Variants in SEL1L2 observed in about 807,000 individuals in gnomAD.
SEL1L2 encodes the protein protein sel-1 homolog 2.
Under a neutral mutation model 98.8 loss-of-function variants are expected in SEL1L2, and 89 were observed. The observed-to-expected ratio is 0.90, with a 90% confidence interval of 0.76 to 1.07. The LOEUF is 1.07. SEL1L2 is among the 50% of genes least tolerant of loss of function. SEL1L2 has a pLI of 0.00. For missense variants in SEL1L2, 788 were observed against 812.0 expected (o/e 0.97, Z 0.36); for synonymous variants, 262 against 278.5 (o/e 0.94, Z 0.59).
intron 3 of SEL1L2, among the ~76,000 whole-genome samples, chr20:13,929,295 A>G (rs564775722): frequency 2.0e-5 from 3 of 151,586 alleles, no homozygotes; most frequent in African/African-American, 7.3e-5. Flanking sequence ...AACCCTGACC[A>G]CTACACTGAC....
intron 8 of SEL1L2, among the ~76,000 whole-genome samples, chr20:13,886,887 C>CA (rs11475673): frequency 0.014 from 1,780 of 130,060 alleles, 17 homozygotes; most frequent in African/African-American, 0.04. Flanking sequence ...TACTCTGTCT[C>CA]AAAAAAAAAA....
chr20:13,876,840 T>C (rs1481304477), intron 11 of SEL1L2, among the ~76,000 whole-genome samples: 1 of 152,206 alleles, frequency 6.6e-6, no homozygotes, highest in African/African-American at 2.4e-5. Context: ...TTTTTATTTT[T>C]GGAGACGGAG....
chr20:13,945,637 C>A (rs1267650286), intron 2 of SEL1L2, among the ~76,000 whole-genome samples: 2 of 151,846 alleles, frequency 1.3e-5, no homozygotes, highest in Admixed American at 1.3e-4. Flanking sequence ...AAGGACACTA[C>A]CAGGAAAGAA....
upstream of SEL1L2, among the ~76,000 whole-genome samples, chr20:13,991,948 C>T (rs1165051005): frequency 3.3e-5 from 5 of 151,908 alleles, no homozygotes; most frequent in Non-Finnish European, 7.4e-5. Flanking sequence ...GTGGAGGTTG[C>T]AGTGAGCAGA....
chr20:13,888,039 C>A, intron 6 of SEL1L2, 38 bp from the exon 7 acceptor site: 2 of 1,573,016 alleles, frequency 1.3e-6, no homozygotes, highest in Non-Finnish European at 1.7e-6. Context: ...CCCCCCAAAC[C>A]AGGTTGGCCA....
intron 18 of SEL1L2, among the ~76,000 whole-genome samples, chr20:13,854,654 C>A (rs946300033): frequency 6.6e-6 from 1 of 152,120 alleles, no homozygotes; most frequent in Non-Finnish European, 1.5e-5. Flanking sequence ...AAGCACAGTG[C>A]TTCCTGATAT....
Position 13,962,931 on chromosome 20 carries a change from G to A in SEL1L2, c.59-6800C>T, listed in dbSNP as rs552031395. ...AATATACAAAAATTAGCTGGGCATG[G>A]TGGCATGCACCTATAATCCCAGCTA... is the stretch of plus-strand genomic sequence containing the variant. On this transcript the variant is annotated intron_variant, in intron 1 of 19. Transcript: ENST00000284951. 5.3e-5 allele frequency among the ~76,000 whole-genome samples: 8 copies of A among 152,072 alleles called. No homozygotes were observed. The East Asian group carries it at 9.7e-4, about 18-fold the overall frequency.
chr20:13,864,785 G>T (rs1990734592), intron 17 of SEL1L2, among the ~76,000 whole-genome samples: 1 of 152,126 alleles, frequency 6.6e-6, no homozygotes, highest in Admixed American at 6.6e-5. Context: ...AATTTTGCTT[G>T]TAAACTCATT....
intron 1 of SEL1L2, among the ~76,000 whole-genome samples, chr20:13,975,753 T>C (rs2051502242): frequency 6.6e-6 from 1 of 152,226 alleles, no homozygotes; most frequent in Admixed American, 6.5e-5. Flanking sequence ...GTTAGCAATC[T>C]GCTAAGGGAG....
intron 1 of SEL1L2, among the ~76,000 whole-genome samples, chr20:13,977,811 A>T (rs188049488): frequency 6.6e-6 from 1 of 152,310 alleles, no homozygotes; most frequent in African/African-American, 2.4e-5. Context: ...AACCTTTTAG[A>T]TCTGTATACT....
At chr20:13,908,685 A>T (rs953750439) in intron 5 of SEL1L2, among the ~76,000 whole-genome samples, 2 of 152,186 alleles carry the variant, frequency 1.3e-5, no homozygotes, top group African/African-American at 2.4e-5. Context: ...TTTCATGAAG[A>T]CTATTCCGTT....
rs976004206 is a variant in SEL1L2 at position 13,913,652 on chromosome 20, A to C, written c.549+130T>G. 3 of 802,264 alleles carry C rather than the reference A, an allele frequency of 3.7e-6. No individual in the cohort carries two copies. In the African/African-American group the frequency reaches 5.5e-5, roughly 15 times the overall value. The allele number at this position is 802,264 out of a possible 1,614,324, so 49.7% of individuals were successfully genotyped here. On this transcript the variant is annotated intron_variant, in intron 5 of 19. Transcript: ENST00000284951. ...TGCCCTGACACCACTGTTTCAGTGC[A>C]TTATGGTAACCTCCCTAGACTGGGT... is the stretch of plus-strand genomic sequence containing the variant.
chr20:13,911,955 CTAAG>C (rs1378266779), intron 5 of SEL1L2, among the ~76,000 whole-genome samples: 4 of 152,086 alleles, frequency 2.6e-5, no homozygotes, highest in Non-Finnish European at 5.9e-5. Flanking sequence ...AGGTATGAAA[CTAAG>C]TGTCTTCCCA....
chr20:13,865,057 G>A, intron 17 of SEL1L2, 110 bp downstream of exon 17: 1 of 760,358 alleles, frequency 1.3e-6, no homozygotes, highest in African/African-American at 1.7e-5. Context: ...TCACCTACTT[G>A]ATATTCTACC....
At chr20:13,888,120 C>A in intron 6 of SEL1L2, 119 bp from the exon 7 acceptor site, 1 of 819,704 alleles carries the variant, frequency 1.2e-6, no homozygotes, top group Non-Finnish European at 1.9e-6. Context: ...TGAGTTACTC[C>A]AAAATAAATT....
chr20:13,884,512 T>A (rs985154007), intron 10 of SEL1L2, among the ~76,000 whole-genome samples: 2 of 152,110 alleles, frequency 1.3e-5, no homozygotes, highest in African/African-American at 2.4e-5. Context: ...TTATTTTTTT[T>A]ATTTTTTTAT....
intron 18 of SEL1L2, among the ~76,000 whole-genome samples, chr20:13,852,443 A>G (rs976651921): frequency 1.5e-4 from 23 of 152,172 alleles, no homozygotes; most frequent in Non-Finnish European, 4.4e-5. Flanking sequence ...AAGAAATTTT[A>G]GTACTAGACT....
At chr20:13,868,890 G>A (rs1423490861) in intron 14 of SEL1L2, among the ~76,000 whole-genome samples, 4 of 152,018 alleles carry the variant, frequency 2.6e-5, no homozygotes, top group African/African-American at 7.3e-5. Context: ...GAGCCACCAC[G>A]CCCGGCCTCT....
At chr20:13,988,406 C>T (rs916155606) in intron 1 of SEL1L2, among the ~76,000 whole-genome samples, 1 of 151,954 alleles carries the variant, frequency 6.6e-6, no homozygotes, top group African/African-American at 2.4e-5. Context: ...TGTCCCAGCA[C>T]CATTTGTTGG....
Sources: gnomAD v4.1 joint callset for allele counts (sites outside exome capture counted in the v4.1 genomes callset) on GRCh38, gnomAD v4.1.1 for gene constraint, MANE v1.5 for transcripts, NCBI Gene and HGNC (gene_info 2026-07-23, HGNC 2026-07-21) for gene names.